Variants in METTL9 observed in about 807,000 individuals in gnomAD.
METTL9 encodes methyltransferase 9, His-X-His N1(pi)-histidine.
In METTL9, 10 loss-of-function variants were observed where a neutral mutation model predicts 36.0. The ratio of observed to expected loss-of-function variants is 0.28; its 90% confidence interval spans 0.17 to 0.47. METTL9 has a LOEUF of 0.47. METTL9 is among the 20% of genes least tolerant of loss of function. The pLI, the probability that METTL9 is intolerant of heterozygous loss-of-function variation, is 0.99. For missense variants in METTL9, 246 were observed against 383.5 expected (o/e 0.64, Z 3.00); for synonymous variants, 175 against 149.7 (o/e 1.17, Z -1.23).
intron 2 of METTL9, among the ~76,000 whole-genome samples, chr16:21,617,301 C>T (rs756416455): frequency 3.3e-5 from 5 of 151,694 alleles, no homozygotes; most frequent in Non-Finnish European, 7.4e-5. Context: ...GCCTGTAGTC[C>T]CAGCTACTCA....
At chr16:21,622,263 G>C (rs1275179325) in intron 3 of METTL9, among the ~76,000 whole-genome samples, 1 of 149,354 alleles carries the variant, frequency 6.7e-6, no homozygotes, top group Non-Finnish European at 1.5e-5. Context: ...TCCTGCCTCA[G>C]CTGCCCAAGT....
chr16:21,636,713 T>C (rs977863660), intron 4 of METTL9, among the ~76,000 whole-genome samples: 1 of 152,162 alleles, frequency 6.6e-6, no homozygotes, highest in African/African-American at 2.4e-5. Flanking sequence ...CTCCCAACTC[T>C]GAAGAGTCGG....
At chr16:21,624,878 A>C in intron 3 of METTL9, 53 bp from the exon 4 acceptor site, 2 of 1,499,412 alleles carry the variant, frequency 1.3e-6, no homozygotes, top group East Asian at 4.5e-5. Flanking sequence ...GTTATTTTTA[A>C]AGATGTCTTT....
chr16:21,624,415 T>C (rs1264186501), intron 3 of METTL9, among the ~76,000 whole-genome samples: 2 of 152,112 alleles, frequency 1.3e-5, no homozygotes, highest in South Asian at 4.1e-4. Context: ...GATTTGGAAA[T>C]AGGTGAAATG....
At chr16:21,597,274 A>T (rs1034407921), upstream of METTL9, 3 of 1,289,118 alleles carry the variant, frequency 2.3e-6, no homozygotes, top group Admixed American at 6.9e-5. Context: ...AAAGACCACG[A>T]GCTGGGATAC....
chr16:21,639,582 A>G (rs1057407647), intron 4 of METTL9: 1 of 152,180 alleles, frequency 6.6e-6, no homozygotes, highest in Non-Finnish European at 1.5e-5. Flanking sequence ...AAGTATTAGC[A>G]TTTTTTATTT....
intron 4 of METTL9, chr16:21,647,061 T>G: frequency 6.3e-7 from 1 of 1,593,106 alleles, no homozygotes; most frequent in Non-Finnish European, 8.6e-7. Context: ...TTTCTACATG[T>G]GAGTGAGGTA....
At chr16:21,608,597 T>G (rs1213305117) in intron 1 of METTL9, among the ~76,000 whole-genome samples, 1 of 152,064 alleles carries the variant, frequency 6.6e-6, no homozygotes, top group Non-Finnish European at 1.5e-5. Flanking sequence ...GCAGTGGCAG[T>G]TTTGCCTCCC....
At chr16:21,636,597 C>T (rs1403985777) in intron 4 of METTL9, among the ~76,000 whole-genome samples, 1 of 152,162 alleles carries the variant, frequency 6.6e-6, no homozygotes, top group Non-Finnish European at 1.5e-5. Context: ...CAGGGTCAAC[C>T]AACTTCTTGT....
At chr16:21,597,780 G>A (rs1267999139), upstream of METTL9, among the ~76,000 whole-genome samples, 1 of 152,150 alleles carries the variant, frequency 6.6e-6, no homozygotes, top group African/African-American at 2.4e-5. Context: ...GGAAGGAGAG[G>A]TGTCATAGTA....
chr16:21,652,356 A>C, intron 4 of METTL9: 2 of 489,444 alleles, frequency 4.1e-6, no homozygotes, highest in Non-Finnish European at 7.2e-6. Flanking sequence ...ACTTTTTCTC[A>C]GCTATTTTTT....
At chr16:21,630,429 C>T (rs1224551823) in intron 4 of METTL9, among the ~76,000 whole-genome samples, 5 of 152,358 alleles carry the variant, frequency 3.3e-5, no homozygotes, top group South Asian at 4.1e-4. Context: ...AAGGGCTCCT[C>T]GAGCACAGCC....
chr16:21,615,354 C>T (rs1270807817), intron 2 of METTL9, among the ~76,000 whole-genome samples: 1 of 152,074 alleles, frequency 6.6e-6, no homozygotes, highest in Non-Finnish European at 1.5e-5. Context: ...CTCAGTCTCC[C>T]AGGTAGCTGG....
chr16:21,605,257 C>CTTT lies in METTL9; in HGVS notation c.165+5396_165+5398dup, dbSNP rs3046231. ...GGGGTGGTAAAAATAGGCTTGCCTT[C>CTTT]TTTTTTTTTTTTTTTTTTTTTTTTT... On this transcript the variant is annotated intron_variant, in intron 1 of 4. Coordinates refer to ENST00000358154, the MANE Select transcript of METTL9 (RefSeq NM_016025.5). Among the ~76,000 whole-genome samples the CTTT allele has an allele frequency of 1.1e-3, 55 of 51,232 alleles. 9 individuals carry two copies. The highest frequency in any genetic ancestry group is 1.7e-3 in the African/African-American group (27 of 15,562). The allele number at this position is 51,232 out of a possible 152,430, so 33.6% of individuals were successfully genotyped here.
rs142411105 is a variant in METTL9 at position 21,636,574 on chromosome 16, C to G, written c.751+11459C>G. ...TCTCGCTTGGGCGACATTGAGAGTT[C>G]TGCTCATGGCCGCAGGGTCAACCAA... On this transcript the variant is annotated intron_variant, in intron 4 of 4. Transcript: ENST00000358154. Among the ~76,000 whole-genome samples the G allele has an allele frequency of 4.8e-3, 736 of 152,338 alleles. 8 individuals are homozygous for G. The highest frequency in any genetic ancestry group is 0.015 in the African/African-American group (635 of 41,576).
At chr16:21,599,172 C>T (rs1965022770), upstream of METTL9, among the ~76,000 whole-genome samples, 1 of 152,026 alleles carries the variant, frequency 6.6e-6, no homozygotes, top group Non-Finnish European at 1.5e-5. This position sits in a 1 kb window ranked among gnomAD's most constrained non-coding sequence, Gnocchi z 4.4. Context: ...AAAGTCCCGC[C>T]GTGGAGTGGG....
intron 4 of METTL9, among the ~76,000 whole-genome samples, chr16:21,625,846 A>T: frequency 6.6e-6 from 1 of 152,308 alleles, no homozygotes; most frequent in East Asian, 1.9e-4. Flanking sequence ...GTACATTAAT[A>T]TAAAATTATT....
At chr16:21,597,438 T>C (rs1425963398), upstream of METTL9, 2 of 491,134 alleles carry the variant, frequency 4.1e-6, no homozygotes, top group Non-Finnish European at 6.8e-6. Context: ...TTTAAATGTA[T>C]GAGTGATTTA....
upstream of METTL9, chr16:21,599,451 A>G (rs1041618922): frequency 9.3e-5 from 106 of 1,140,056 alleles, no homozygotes; most frequent in Non-Finnish European, 1.1e-4. The surrounding 1 kb of genome is among the most constrained non-coding windows in gnomAD (Gnocchi z 4.4). Context: ...GGACGGAGGG[A>G]GGGCGCCGGG....
Sources: allele counts gnomAD v4.1 joint callset (sites outside exome capture counted in the v4.1 genomes callset), GRCh38; gene constraint gnomAD v4.1.1; non-coding constraint Gnocchi (gnomAD v3.1); transcripts MANE v1.5; gene names NCBI Gene and HGNC (gene_info 2026-07-23, HGNC 2026-07-21).